Variants in ADGRL3 observed in about 807,000 individuals in gnomAD.
ADGRL3 encodes adhesion G protein-coupled receptor L3, also known as calcium-independent alpha-latrotoxin receptor 3.
A neutral mutation model predicts 153.5 loss-of-function variants in ADGRL3; 62 were observed. That is an observed-to-expected ratio of 0.40 (90% CI 0.33 to 0.50). ADGRL3 has a LOEUF of 0.50. Among genes scored for constraint, ADGRL3 ranks in the 20% least tolerant of loss-of-function variants. The pLI is 0.47. For synonymous variants in ADGRL3, 710 were observed against 672.5 expected, an observed-to-expected ratio of 1.06 and a Z score of -0.86; for missense variants, 1,641 against 1,859.4, an observed-to-expected ratio of 0.88 and a Z score of 2.16.
intron 1 of ADGRL3, among the ~76,000 whole-genome samples, chr4:61,349,504 C>T (rs2095996235): frequency 2.0e-5 from 3 of 152,152 alleles, no homozygotes; most frequent in South Asian, 2.1e-4. Context: ...TGCTGCACCA[C>T]GATTACCTGT....
At chr4:61,677,190 C>A in intron 6 of ADGRL3, 2 of 380,414 alleles carry the variant, frequency 5.3e-6, no homozygotes, top group South Asian at 3.1e-5. Flanking sequence ...TTAATTAATG[C>A]AAGAATATAA....
chr4:61,771,073 T>C (rs1255304705), intron 8 of ADGRL3, among the ~76,000 whole-genome samples: 1 of 152,190 alleles, frequency 6.6e-6, no homozygotes, highest in Non-Finnish European at 1.5e-5. Flanking sequence ...GTTGCTTCCT[T>C]CACAGTTGAA....
intron 2 of ADGRL3, among the ~76,000 whole-genome samples, chr4:61,400,817 CA>C (rs67512824): frequency 0.85 from 97,917 of 114,622 alleles, 41,623 homozygotes; most frequent in Middle Eastern, 0.97. Context: ...GCTAAAGTTA[CA>C]AAAAAAAAAA....
chr4:61,963,179 TTAA>T (rs34586362), intron 17 of ADGRL3, among the ~76,000 whole-genome samples: 25,687 of 151,876 alleles, frequency 0.17, 2,848 homozygotes, highest in Non-Finnish European at 0.25. Context: ...TTTATATTAT[TTAA>T]TAACATGCTT....
chr4:61,785,989 G>A (rs773679437), intron 8 of ADGRL3, among the ~76,000 whole-genome samples: 63 of 152,214 alleles, frequency 4.1e-4, no homozygotes, highest in African/African-American at 1.3e-3. Context: ...ATTCCAGGCC[G>A]GGTGACAGAG....
chr4:61,996,884 T>C (rs1285083001), intron 20 of ADGRL3, among the ~76,000 whole-genome samples: 1 of 152,170 alleles, frequency 6.6e-6, no homozygotes, highest in African/African-American at 2.4e-5. Context: ...TTTTCTGTTT[T>C]TAGATCCATA....
chr4:61,698,368 C>T lies in ADGRL3; in HGVS notation c.583+21433C>T, dbSNP rs1014242551. Among the ~76,000 whole-genome samples, 14 of 152,012 alleles carry T rather than the reference C, an allele frequency of 9.2e-5. No homozygotes were observed. In the East Asian group the frequency reaches 1.5e-3, roughly 17 times the overall value. On this transcript the variant is annotated intron_variant, in intron 6 of 26. Coordinates refer to ENST00000683033, the MANE Select transcript of ADGRL3 (RefSeq NM_001387552.1). ...TTGGGAGGCTGAGGCAGGAGAATGG[C>T]GTGAACCCGGGAGGCAGAGCTTGCA...
intron 8 of ADGRL3, among the ~76,000 whole-genome samples, chr4:61,748,998 TCAAA>T (rs2096714033): frequency 6.6e-6 from 1 of 151,304 alleles, no homozygotes; most frequent in South Asian, 2.1e-4. Context: ...TACAATGAAC[TCAAA>T]CAAATTTACA....
intron 5 of ADGRL3, among the ~76,000 whole-genome samples, chr4:61,638,199 T>C (rs2093512330): frequency 6.6e-6 from 1 of 152,184 alleles, no homozygotes; most frequent in African/African-American, 2.4e-5. Flanking sequence ...TAGAAGATTG[T>C]TCACCAATAG....
At chr4:61,818,302 T>C (rs2148681030) in intron 9 of ADGRL3, among the ~76,000 whole-genome samples, 1 of 152,278 alleles carries the variant, frequency 6.6e-6, no homozygotes, top group Non-Finnish European at 1.5e-5. Context: ...TTAAAGCTCC[T>C]TTGCCTCCAT....
chr4:61,604,142 G>A (rs932347817), intron 5 of ADGRL3, among the ~76,000 whole-genome samples: 5 of 152,228 alleles, frequency 3.3e-5, no homozygotes, highest in Admixed American at 3.3e-4. Flanking sequence ...TAGGTTAAAA[G>A]GCCACAAAGT....
chr4:61,790,492 A>G (rs1360593234), intron 8 of ADGRL3, among the ~76,000 whole-genome samples: 2 of 152,334 alleles, frequency 1.3e-5, no homozygotes, highest in South Asian at 2.1e-4. Flanking sequence ...ACAGTAAAAG[A>G]TTAACAACCA....
At chr4:61,320,495 G>C (rs1167599457) in intron 1 of ADGRL3, among the ~76,000 whole-genome samples, 1 of 152,184 alleles carries the variant, frequency 6.6e-6, no homozygotes, top group African/African-American at 2.4e-5. Flanking sequence ...ATTCAGGTAA[G>C]AGTTGTTGTT....
intron 5 of ADGRL3, among the ~76,000 whole-genome samples, chr4:61,613,849 TA>T (rs1169926581): frequency 1.3e-5 from 2 of 152,140 alleles, no homozygotes; most frequent in Non-Finnish European, 1.5e-5. Flanking sequence ...ATATCACCTA[TA>T]AAAATGAACA....
At position 62,051,189 on chromosome 4, in the gene ADGRL3, TAC is replaced by T. The variant is rs144240176; in HGVS notation, c.3814+6642_3814+6643del. ...GTGTGTATATATATATATATATATA[TAC>T]ATACATACACAAAGGATATATATGT... On this transcript the variant is annotated intron_variant, in intron 25 of 26. Transcript: ENST00000683033. Among the ~76,000 whole-genome samples the T allele has an allele frequency of 2.3e-3, 294 of 128,240 alleles. 1 individual carries two copies. The highest frequency in any genetic ancestry group is 6.2e-3 in the African/African-American group (189 of 30,326). 84.1% of individuals were successfully genotyped at this position (128,240 alleles called of 152,430 possible).
intron 5 of ADGRL3, among the ~76,000 whole-genome samples, chr4:61,609,036 TG>T (rs1276010149): frequency 2.6e-5 from 4 of 152,150 alleles, no homozygotes; most frequent in African/African-American, 9.7e-5. Context: ...TCAGTTAGAA[TG>T]GGAGATAATG....
At chr4:61,223,900 C>G (rs1199210896) in intron 1 of ADGRL3, among the ~76,000 whole-genome samples, 1 of 152,004 alleles carries the variant, frequency 6.6e-6, no homozygotes, top group African/African-American at 2.4e-5. Flanking sequence ...TTATAAAATG[C>G]TAGGTAAGTG....
At position 61,979,772 on chromosome 4, in the gene ADGRL3, A is replaced by C. The variant is rs1397548; in HGVS notation, c.3015A>C (p.Pro1005=). The part of the protein sequence containing the change: ...FLIGINRTDQ[P]IACAVFAALL... ...TTGGGATCAACCGAACTGACCAACC[A>C]GTAAGCAACCTACATTGATACCAGT... Residue 1005 remains proline (P), a splice_region_variant and synonymous_variant, in exon 18 of 27, where the codon CCA becomes CCC. Coordinates refer to ENST00000683033, the MANE Select transcript of ADGRL3 (RefSeq NM_001387552.1). 3.1e-6 allele frequency: 5 copies of C among 1,612,752 alleles called. No individual in the cohort carries two copies. The South Asian group carries it at 4.4e-5, about 14-fold the overall frequency.
At chr4:61,556,245 G>A (rs891108573) in intron 4 of ADGRL3, among the ~76,000 whole-genome samples, 12 of 152,156 alleles carry the variant, frequency 7.9e-5, no homozygotes, top group Non-Finnish European at 1.5e-4. Flanking sequence ...TTGGGAGTTT[G>A]CAAATATAAA....
Sources: gnomAD v4.1 joint callset for allele counts (sites outside exome capture counted in the v4.1 genomes callset) on GRCh38, gnomAD v4.1.1 for gene constraint, MANE v1.5 for transcripts, NCBI Gene and HGNC (gene_info 2026-07-23, HGNC 2026-07-21) for gene names.